The following CC2D2B variants were observed in gnomAD, a reference collection of about 807,000 sequenced individuals.
The protein encoded by CC2D2B is coiled-coil and C2 domain containing 2B.
In CC2D2B, 128 loss-of-function variants were observed where a neutral mutation model predicts 161.2. The observed-to-expected ratio is 0.79, with a 90% CI of 0.69 to 0.92. The LOEUF is 0.92. Ranked by LOEUF, CC2D2B falls within the 40% of genes least tolerant of loss-of-function variation. The pLI, the probability that CC2D2B is intolerant of heterozygous loss-of-function variation, is 0.00. For missense variants in CC2D2B, 1,173 were observed against 1,375.1 expected, an observed-to-expected ratio of 0.85 and a Z score of 2.32; for synonymous variants, 391 against 449.8, an observed-to-expected ratio of 0.87 and a Z score of 1.65.
At chr10:95,993,930 GTGTGTGTGTGTGTATGTA>G (rs1376178563) in intron 22 of CC2D2B, among the ~76,000 whole-genome samples, 14 of 5,618 alleles carry the variant, frequency 2.5e-3, no homozygotes, top group South Asian at 0.01. Flanking sequence ...GTGTGTGTGT[GTGTGTGTGTGTGTATGTA>G]TGTGTATATA....
intron 1 of CC2D2B, among the ~76,000 whole-genome samples, chr10:95,909,078 C>T (rs924450552): frequency 2.0e-5 from 3 of 152,084 alleles, no homozygotes; most frequent in Admixed American, 1.3e-4. Context: ...TGTTGCCTTT[C>T]GAAGACTTAA....
intron 22 of CC2D2B, among the ~76,000 whole-genome samples, chr10:95,993,936 G>GTA (rs2078096278): frequency 1.0e-4 from 2 of 19,532 alleles, no homozygotes; most frequent in African/African-American, 3.5e-4. Flanking sequence ...GTGTGTGTGT[G>GTA]TGTGTGTATG....
At chr10:96,025,649 G>T (rs968091336) in intron 33 of CC2D2B, among the ~76,000 whole-genome samples, 1 of 152,208 alleles carries the variant, frequency 6.6e-6, no homozygotes, top group African/African-American at 2.4e-5. Context: ...CGGCAGTACT[G>T]CCACAGCTGG....
intron 2 of CC2D2B, chr10:95,920,665 G>A (rs1376858789): frequency 6.6e-6 from 1 of 152,130 alleles, no homozygotes; most frequent in East Asian, 1.9e-4. Context: ...CCTGAAGCCA[G>A]CACAATACTG....
chr10:95,913,043 T>A (rs921850403), intron 2 of CC2D2B, among the ~76,000 whole-genome samples: 1 of 152,182 alleles, frequency 6.6e-6, no homozygotes, highest in African/African-American at 2.4e-5. Flanking sequence ...CCTTTTGTGC[T>A]GTAAAATACT....
intron 2 of CC2D2B, chr10:95,913,388 T>C (rs762325395): frequency 7.9e-5 from 31 of 394,566 alleles, no homozygotes; most frequent in East Asian, 1.8e-4. Context: ...TTAGGTTGCT[T>C]CCAAATCTTG....
At chr10:95,963,507 G>C (rs1032037900) in intron 12 of CC2D2B, among the ~76,000 whole-genome samples, 2 of 152,166 alleles carry the variant, frequency 1.3e-5, no homozygotes, top group African/African-American at 4.8e-5. Flanking sequence ...TGCATGGTCT[G>C]TGACACAGTA....
chr10:95,992,540 G>A lies in CC2D2B; in HGVS notation c.2485G>A (p.Ala829Thr), dbSNP rs1223633547. Residue 829 changes from alanine (A) to threonine (T), a missense_variant, in exon 22 of 35, where the codon GCA (alanine) becomes ACA (threonine). Around this residue, in one of 3 missense-constraint regions of CC2D2B, gnomAD observed 598 missense variants for 693.2 expected, o/e 0.86. Coordinates refer to ENST00000646931, the MANE Select transcript of CC2D2B (RefSeq NM_001349008.3). ...EIVSTSQLTD[A>T]VCKFVEPRRK... The stretch of plus-strand genomic sequence containing the variant: ...TTTACCCTTTAGCCAATTGACAGAT[G>A]CAGTTTGTAAGTTTGTTGAACCACG... The A allele has an allele frequency of 5.7e-6, 7 of 1,234,096 alleles. No homozygotes were observed. Among genetic ancestry groups the A allele is most frequent in the Non-Finnish European group, 6.1e-6 (6 of 988,074 alleles). The allele number at this position is 1,234,096 out of a possible 1,614,324, so 76.4% of individuals were successfully genotyped here.
chr10:95,986,841 C>T (rs981944074), intron 19 of CC2D2B, among the ~76,000 whole-genome samples: 4 of 152,032 alleles, frequency 2.6e-5, no homozygotes, highest in African/African-American at 9.7e-5. Flanking sequence ...AAGTGATCCG[C>T]CCGCCTCGGC....
chr10:95,973,235 G>A (rs2077198544), intron 16 of CC2D2B, among the ~76,000 whole-genome samples: 1 of 152,020 alleles, frequency 6.6e-6, no homozygotes, highest in Non-Finnish European at 1.5e-5. Flanking sequence ...TGGAGACCCG[G>A]GACAAAAGAC....
chr10:95,970,330 C>T (rs539519974), intron 15 of CC2D2B, among the ~76,000 whole-genome samples: 18 of 152,140 alleles, frequency 1.2e-4, no homozygotes, highest in South Asian at 8.3e-4. Flanking sequence ...CAACATGCCC[C>T]GCCTTTAGTT....
chr10:95,935,895 A>G (rs1224457482), intron 6 of CC2D2B, among the ~76,000 whole-genome samples: 2 of 152,272 alleles, frequency 1.3e-5, no homozygotes, highest in East Asian at 3.9e-4. Context: ...CACTTAATGT[A>G]TATTTCTGTG....
At chr10:95,937,794 A>G (rs1021181555) in intron 6 of CC2D2B, among the ~76,000 whole-genome samples, 197 bp from the exon 7 acceptor site, 1 of 152,160 alleles carries the variant, frequency 6.6e-6, no homozygotes, top group African/African-American at 2.4e-5. Flanking sequence ...GAAAAATCAT[A>G]TTGTGTAATA....
intron 17 of CC2D2B, among the ~76,000 whole-genome samples, chr10:95,975,186 T>G (rs963599637): frequency 8.5e-5 from 13 of 152,228 alleles, no homozygotes; most frequent in African/African-American, 3.1e-4. Context: ...AAAAATATTA[T>G]AGTTTTGAAA....
At chr10:95,927,397 T>A in intron 6 of CC2D2B, 65 bp downstream of exon 6, 1 of 872,758 alleles carries the variant, frequency 1.1e-6, no homozygotes, top group Non-Finnish European at 1.8e-6. Flanking sequence ...TTATTAAAAG[T>A]GCAGAATGAA....
Position 95,974,039 on chromosome 10 carries a change from C to G in CC2D2B, c.1826C>G (p.Thr609Ser). ...CCTTTTCTTCTTGAGGGAAATGGAA[C>G]TGAAGAACTCTGTCTTTTGACATCA... ...NVPFLLEGNGTEELCLLTSGK... is the reference protein window; with the variant it reads ...NVPFLLEGNGSEELCLLTSGK... Residue 609 changes from threonine (T) to serine (S), a missense_variant, in exon 17 of 35, where the codon ACT becomes AGT. Coordinates refer to ENST00000646931, the MANE Select transcript of CC2D2B (RefSeq NM_001349008.3). 1 of 1,231,526 alleles carries G rather than the reference C, an allele frequency of 8.1e-7. No individual in the cohort carries two copies. Among genetic ancestry groups the G allele is most frequent in the Non-Finnish European group, 1.0e-6 (1 of 987,490 alleles). The allele number at this position is 1,231,526 out of a possible 1,614,324, so 76.3% of individuals were successfully genotyped here. A position where few individuals can be genotyped will look rare whatever the true frequency, so the allele number is the denominator to read the frequency against.
At position 95,938,854 on chromosome 10, in the gene CC2D2B, C is replaced by A; in HGVS notation, c.730C>A (p.Gln244Lys). The change falls in exon 9 of 35, where the codon CAG (glutamine) becomes AAG (lysine). Residue 244 changes from glutamine to lysine, a missense_variant. This residue lies in a region of CC2D2B where 298 missense variants were observed against 261.2 expected (regional missense o/e 1.14). Transcript: ENST00000646931. ...AATGTCATTACCTACACCTATTAAA[C>A]AGTCATGGAATTTCAGACTAAATGT... ...EIMSLPTPIKQSWNFRLNVRK... is the reference protein window; with the variant it reads ...EIMSLPTPIKKSWNFRLNVRK... 1 of 715,350 alleles carries A rather than the reference C, an allele frequency of 1.4e-6. No homozygotes were observed. Among genetic ancestry groups the A allele is most frequent in the South Asian group, 1.5e-5 (1 of 66,984 alleles). The allele number at this position is 715,350 out of a possible 1,614,324, so 44.3% of individuals were successfully genotyped here. A position where few individuals can be genotyped will look rare whatever the true frequency, so the allele number is the denominator to read the frequency against.
intron 18 of CC2D2B, among the ~76,000 whole-genome samples, chr10:95,982,952 A>G (rs1157632671): frequency 6.6e-6 from 1 of 151,498 alleles, no homozygotes; most frequent in Non-Finnish European, 1.5e-5. Flanking sequence ...TTGTATTTTT[A>G]GTAGAGAGGG....
In CC2D2B at chr10:95,966,174, A is replaced by AT; in HGVS notation, c.1354-10dup. On this transcript the variant is annotated splice_polypyrimidine_tract_variant and intron_variant, in intron 13 of 34. Coordinates refer to ENST00000646931, the MANE Select transcript of CC2D2B (RefSeq NM_001349008.3). ...GATGTACATGGCAAATCATATATTTATTTTTTGATTTCTAGAGCCTCTCAT... is the reference window on the plus strand; with the variant it reads ...GATGTACATGGCAAATCATATATTTATTTTTTTGATTTCTAGAGCCTCTCAT... 9.8e-7 allele frequency: 1 copy of AT among 1,020,826 alleles called. No individual in the cohort carries two copies. The highest frequency in any genetic ancestry group is 5.0e-5 in the South Asian group (1 of 20,000). The allele number at this position is 1,020,826 out of a possible 1,614,324, so 63.2% of individuals were successfully genotyped here. A position where few individuals can be genotyped will look rare whatever the true frequency, so the allele number is the denominator to read the frequency against.
Sources: allele counts gnomAD v4.1 joint callset (sites outside exome capture counted in the v4.1 genomes callset), GRCh38; gene constraint gnomAD v4.1.1; regional missense constraint gnomAD v4.1.1; transcripts MANE v1.5; gene names NCBI Gene and HGNC (gene_info 2026-07-23, HGNC 2026-07-21).